The following DENND2B variants were observed in gnomAD, a reference collection of about 807,000 sequenced individuals.
DENND2B encodes DENN domain containing 2B, also known as DENN domain-containing protein 2B.
DENND2B carries 32 observed loss-of-function variants against 116.0 expected under a neutral mutation model. That is an observed-to-expected ratio of 0.28 (90% CI 0.21 to 0.37). The LOEUF (loss-of-function observed/expected upper bound fraction) is 0.37, where lower values mean the gene tolerates loss of function less well. Ranked by LOEUF, DENND2B falls within the 10% of genes least tolerant of loss-of-function variation. DENND2B has a pLI of 1.00. For synonymous variants in DENND2B, 588 were observed against 583.9 expected (o/e 1.01, Z -0.10); for missense variants, 1,276 against 1,477.7 (o/e 0.86, Z 2.24).
chr11:8,902,386 T>C (rs944365951), intron 1 of DENND2B, among the ~76,000 whole-genome samples: 8 of 152,164 alleles, frequency 5.3e-5, no homozygotes, highest in African/African-American at 1.9e-4. Context: ...GAATTGTCTA[T>C]TTCTTGCTTG....
intron 4 of DENND2B, among the ~76,000 whole-genome samples, chr11:8,829,182 G>C (rs1455586633): frequency 6.6e-6 from 1 of 151,360 alleles, no homozygotes; most frequent in African/African-American, 2.4e-5. Context: ...GGTGTGTGTG[G>C]TGTTTGTGTG....
intron 11 of DENND2B, 102 bp downstream of exon 11, chr11:8,710,743 T>C (rs964718479): frequency 1.1e-5 from 13 of 1,198,216 alleles, no homozygotes; most frequent in African/African-American, 8.9e-5. Flanking sequence ...CAAGCTAAAA[T>C]TGCAGAAGGG....
At chr11:8,758,525 A>C (rs919482037) in intron 1 of DENND2B, among the ~76,000 whole-genome samples, 13 of 152,188 alleles carry the variant, frequency 8.5e-5, no homozygotes, top group African/African-American at 3.1e-4. Context: ...TCAGTCATAC[A>C]CTGGTGGTCT....
At chr11:8,910,401 GTTT>G (rs1022046344) in intron 1 of DENND2B, among the ~76,000 whole-genome samples, 3 of 151,734 alleles carry the variant, frequency 2.0e-5, no homozygotes, top group African/African-American at 7.3e-5. Flanking sequence ...TCCCCATGAT[GTTT>G]TTGTTTTGAG....
At chr11:8,716,741 G>A (rs1047742711) in intron 5 of DENND2B, among the ~76,000 whole-genome samples, 1 of 151,732 alleles carries the variant, frequency 6.6e-6, no homozygotes, top group East Asian at 1.9e-4. Flanking sequence ...TCCGTCTTCC[G>A]AGTTCAAGCA....
At chr11:8,710,063 C>T (rs1592514915) in intron 11 of DENND2B, among the ~76,000 whole-genome samples, 1 of 152,166 alleles carries the variant, frequency 6.6e-6, no homozygotes, top group Non-Finnish European at 1.5e-5. Flanking sequence ...GGCCCCAAAT[C>T]CTTCCTTCAG....
intron 1 of DENND2B, among the ~76,000 whole-genome samples, chr11:8,756,326 A>C (rs2053604920): frequency 6.6e-6 from 1 of 152,242 alleles, no homozygotes; most frequent in Non-Finnish European, 1.5e-5. Flanking sequence ...ACTTACTAAG[A>C]AAGAGAAATG....
At chr11:8,746,947 A>G (rs2051375775) in intron 2 of DENND2B, among the ~76,000 whole-genome samples, 1 of 152,138 alleles carries the variant, frequency 6.6e-6, no homozygotes, top group African/African-American at 2.4e-5. Flanking sequence ...CAATCTGTAA[A>G]TCAAATGGGT....
upstream of DENND2B, among the ~76,000 whole-genome samples, chr11:8,813,732 C>T (rs956865571): frequency 6.6e-6 from 1 of 152,142 alleles, no homozygotes. Context: ...AGAAGCCCTC[C>T]AAACCAGACC....
chr11:8,765,982 T>C (rs760059520), intron 1 of DENND2B, among the ~76,000 whole-genome samples: 6 of 151,970 alleles, frequency 3.9e-5, no homozygotes, highest in Non-Finnish European at 8.8e-5. Flanking sequence ...GAGGATACAG[T>C]GACACAACTG....
chr11:8,777,145 C>T (rs533221134), intron 1 of DENND2B, among the ~76,000 whole-genome samples: 9 of 152,292 alleles, frequency 5.9e-5, no homozygotes, highest in East Asian at 1.9e-4. Flanking sequence ...ACAAATGCCA[C>T]GTGATACATG....
At chr11:8,761,400 C>T (rs2054597989) in intron 1 of DENND2B, among the ~76,000 whole-genome samples, 1 of 152,156 alleles carries the variant, frequency 6.6e-6, no homozygotes, top group South Asian at 2.1e-4. Flanking sequence ...CTCCTGGGGA[C>T]CAACCACTGC....
intron 1 of DENND2B, chr11:8,776,154 GCGCGCGCACACACACA>G (rs1185521373): frequency 3.5e-4 from 102 of 288,844 alleles, no homozygotes; most frequent in Admixed American, 1.1e-3. Flanking sequence ...GCGCACGCGC[GCGCGCGCACACACACA>G]CACACACACA....
At chr11:8,800,070 C>G (rs2060187315) in intron 1 of DENND2B, among the ~76,000 whole-genome samples, 1 of 152,040 alleles carries the variant, frequency 6.6e-6, no homozygotes, top group Admixed American at 6.6e-5. Flanking sequence ...CATTCCACCT[C>G]AGCCTCCCAA....
chr11:8,841,242 T>C (rs567131093), intron 3 of DENND2B, among the ~76,000 whole-genome samples: 6 of 152,334 alleles, frequency 3.9e-5, no homozygotes, highest in South Asian at 4.1e-4. Flanking sequence ...GTGAAGATGA[T>C]AATAGATTTG....
At chr11:8,749,894 C>A (rs1025236220) in intron 2 of DENND2B, among the ~76,000 whole-genome samples, 3 of 152,288 alleles carry the variant, frequency 2.0e-5, no homozygotes, top group East Asian at 1.9e-4. Context: ...ACCAGAGAAG[C>A]CCTGGTGAGA....
chr11:8,812,226 T>C (rs2061412124), upstream of DENND2B, among the ~76,000 whole-genome samples: 1 of 152,216 alleles, frequency 6.6e-6, no homozygotes, highest in Non-Finnish European at 1.5e-5. Flanking sequence ...GGTTATGAGA[T>C]AACGCTGGGC....
intron 1 of DENND2B, among the ~76,000 whole-genome samples, chr11:8,903,089 A>C (rs2064189355): frequency 6.6e-6 from 1 of 152,084 alleles, no homozygotes; most frequent in Non-Finnish European, 1.5e-5. Context: ...CGATCTCTTG[A>C]CCTCATGATC....
At chr11:8,713,317 T>C (rs2044107224) in intron 8 of DENND2B, among the ~76,000 whole-genome samples, 1 of 152,172 alleles carries the variant, frequency 6.6e-6, no homozygotes, top group Non-Finnish European at 1.5e-5. Flanking sequence ...TTCCTCAGTC[T>C]ACGGCACATT....
Sources: allele counts gnomAD v4.1 joint callset (sites outside exome capture counted in the v4.1 genomes callset), GRCh38; gene constraint gnomAD v4.1.1; transcripts MANE v1.5; gene names NCBI Gene and HGNC (gene_info 2026-07-23, HGNC 2026-07-21).